ETFDH: variants seen among roughly 807,000 people sequenced by gnomAD.
The protein encoded by ETFDH is electron transfer flavoprotein dehydrogenase, also known as electron transfer flavoprotein-ubiquinone oxidoreductase, mitochondrial.
Under a neutral mutation model 73.2 loss-of-function variants are expected in ETFDH, and 61 were observed. The ratio of observed to expected loss-of-function variants is 0.83; its 90% confidence interval spans 0.68 to 1.03. ETFDH has a LOEUF of 1.03. ETFDH is among the 50% of genes least tolerant of loss of function. The pLI, the probability that ETFDH is intolerant of heterozygous loss-of-function variation, is 0.00. For synonymous variants in ETFDH, 243 were observed against 253.3 expected (o/e 0.96, Z 0.39); for missense variants, 685 against 745.0 (o/e 0.92, Z 0.94).
intron 12 of ETFDH, among the ~76,000 whole-genome samples, chr4:158,707,486 GAA>G (rs1170085314): frequency 6.6e-6 from 1 of 152,154 alleles, no homozygotes; most frequent in Non-Finnish European, 1.5e-5. Context: ...CCCACGGTCT[GAA>G]AATAAGAAAA....
At chr4:158,674,430 G>T (rs894458954) in intron 1 of ETFDH, among the ~76,000 whole-genome samples, 1 of 151,930 alleles carries the variant, frequency 6.6e-6, no homozygotes, top group African/African-American at 2.4e-5. Flanking sequence ...CTGAGCTTCC[G>T]TAGTACCTGG....
At chr4:158,689,613 TATATATATATATATATATATATA>T (rs1561242341) in intron 5 of ETFDH, among the ~76,000 whole-genome samples, 15 of 98,648 alleles carry the variant, frequency 1.5e-4, no homozygotes, top group East Asian at 1.4e-3. Flanking sequence ...TATATATATA[TATATATATATATATATATATATA>T]TTGTGGGGGG....
chr4:158,685,306 T>C, intron 5 of ETFDH, 87 bp downstream of exon 5: 1 of 785,582 alleles, frequency 1.3e-6, no homozygotes, highest in South Asian at 1.5e-5. Context: ...AAGAAATAAA[T>C]ATTTTTTAAA....
intron 6 of ETFDH, among the ~76,000 whole-genome samples, chr4:158,693,300 T>TAA (rs1644716662): frequency 6.6e-6 from 1 of 152,212 alleles, no homozygotes; most frequent in Admixed American, 6.5e-5. Flanking sequence ...TTGGCTCTCT[T>TAA]ACAGCCTTCT....
intron 12 of ETFDH, among the ~76,000 whole-genome samples, chr4:158,708,104 G>A (rs977637241): frequency 6.6e-6 from 1 of 152,184 alleles, no homozygotes; most frequent in East Asian, 1.9e-4. Context: ...TCGAGGTTGT[G>A]TGGAACTCAA....
intron 3 of ETFDH, among the ~76,000 whole-genome samples, chr4:158,684,003 C>G (rs1345875264): frequency 6.6e-6 from 1 of 152,180 alleles, no homozygotes; most frequent in Non-Finnish European, 1.5e-5. Context: ...AACCTCTCCA[C>G]AGAGACAAAA....
At chr4:158,705,187 A>G (rs1244072844) in intron 10 of ETFDH, among the ~76,000 whole-genome samples, 2 of 152,134 alleles carry the variant, frequency 1.3e-5, no homozygotes, top group Non-Finnish European at 2.9e-5. Flanking sequence ...AGTTTTCTCT[A>G]TGAAGTGGTG....
In ETFDH at chr4:158,697,710, T is replaced by G. The variant is rs1774349216; in HGVS notation, c.972+11T>G. On this transcript the variant is annotated intron_variant, in intron 8 of 12. Coordinates refer to ENST00000511912, the MANE Select transcript of ETFDH (RefSeq NM_004453.4). ...GCTCTTGGTCTTGTGGTAAGTTATA[T>G]TCCCATTAGGGAAAATTCTGCTGCT... is the stretch of plus-strand genomic sequence containing the variant. 6.2e-7 allele frequency: 1 copy of G among 1,611,988 alleles called. No individual in the cohort carries two copies. The highest frequency in any genetic ancestry group is 8.5e-7 in the Non-Finnish European group (1 of 1,178,032).
chr4:158,675,083 T>A (rs1773678878), intron 1 of ETFDH, among the ~76,000 whole-genome samples: 1 of 152,236 alleles, frequency 6.6e-6, no homozygotes, highest in Admixed American at 6.5e-5. Context: ...AATCATACAA[T>A]ATATACTATT....
Position 158,695,649 on chromosome 4 carries a change from C to T in ETFDH, c.831+6C>T. 3 of 1,600,998 alleles carry T rather than the reference C, an allele frequency of 1.9e-6. No homozygotes were observed. The highest frequency in any genetic ancestry group is 2.6e-6 in the Non-Finnish European group (3 of 1,168,326). On this transcript the variant is annotated splice_donor_region_variant and intron_variant, in intron 7 of 12. Coordinates refer to ENST00000511912, the MANE Select transcript of ETFDH (RefSeq NM_004453.4). Reference sequence around the variant, plus strand: ...ACGGGATTGGACTGAAGGAGGTATCCTGGTTTGTTTCTGTAATTTTAATTT... The same window carrying T: ...ACGGGATTGGACTGAAGGAGGTATCTTGGTTTGTTTCTGTAATTTTAATTT...
Position 158,682,436 on chromosome 4 carries a change from T to G in ETFDH, c.405+12T>G. 4.4e-6 allele frequency: 7 copies of G among 1,599,848 alleles called. No homozygotes were observed. The highest frequency in any genetic ancestry group is 6.0e-6 in the Non-Finnish European group (7 of 1,167,224). Reference sequence around the variant, plus strand: ...GGAAAGAGAAGGGGGTATGAAAAATTGTTTTTTATACAAAGTCTAATCTTT... The same window carrying G: ...GGAAAGAGAAGGGGGTATGAAAAATGGTTTTTTATACAAAGTCTAATCTTT... On this transcript the variant is annotated intron_variant, in intron 3 of 12. Coordinates refer to ENST00000511912, the MANE Select transcript of ETFDH (RefSeq NM_004453.4).
chr4:158,674,753 A>G (rs901128963), intron 1 of ETFDH, among the ~76,000 whole-genome samples: 1 of 152,238 alleles, frequency 6.6e-6, no homozygotes, highest in African/African-American at 2.4e-5. Flanking sequence ...ACTATCTAAT[A>G]TTTAGTCAAC....
chr4:158,706,876 T>C, intron 12 of ETFDH, 26 bp downstream of exon 12: 1 of 1,429,590 alleles, frequency 7.0e-7, no homozygotes, highest in Non-Finnish European at 9.9e-7. Flanking sequence ...TATTCCTAAA[T>C]ATTTGCTTTA....
chr4:158,705,106 AAGT>A (rs970980970), intron 10 of ETFDH, among the ~76,000 whole-genome samples: 2 of 152,166 alleles, frequency 1.3e-5, no homozygotes, highest in African/African-American at 4.8e-5. Flanking sequence ...TGACTGGAAA[AAGT>A]AGTCATGTGG....
At chr4:158,698,060 T>C (rs1394946709) in intron 8 of ETFDH, among the ~76,000 whole-genome samples, 2 of 152,242 alleles carry the variant, frequency 1.3e-5, no homozygotes, top group African/African-American at 4.8e-5. Context: ...CAGAAATGCC[T>C]GACCTTGTCT....
chr4:158,672,560 C>T, intron 1 of ETFDH, 70 bp downstream of exon 1: 2 of 1,425,956 alleles, frequency 1.4e-6, no homozygotes, highest in Non-Finnish European at 2.0e-6. Context: ...GTCCTGGGGG[C>T]TGTAGGCACC....
intron 3 of ETFDH, among the ~76,000 whole-genome samples, 199 bp from the exon 4 acceptor site, chr4:158,684,389 CAAAA>C (rs35572796): frequency 1.2e-4 from 13 of 105,480 alleles, no homozygotes; most frequent in Admixed American, 2.8e-4. Context: ...GACACTGTCT[CAAAA>C]AAAAAAAAAA....
rs754873135 is a variant in ETFDH, at chr4:158,697,590, C to G, written c.863C>G (p.Pro288Arg). The change falls in exon 8 of 13, where the codon CCT (proline) becomes CGT (arginine). Residue 288 changes from proline (P) to arginine (R), a missense_variant. Pro to Arg is a moderately radical substitution (Grantham distance 103). Around this residue, in one of 3 missense-constraint regions of ETFDH, gnomAD observed 405 missense variants for 399.3 expected, o/e 1.01. Transcript: ENST00000511912. The part of the protein sequence containing the change: ...LWVIDEKNWK[P>R]GRVDHTVGWP... The stretch of plus-strand genomic sequence containing the variant: ...GTTATTGATGAAAAGAACTGGAAAC[C>G]TGGGAGAGTAGATCACACTGTTGGT... 4 of 1,611,934 alleles carry G rather than the reference C, an allele frequency of 2.5e-6. No homozygotes were observed. The South Asian group carries it at 4.4e-5, about 18-fold the overall frequency.
chr4:158,684,481 A>AG, intron 3 of ETFDH, 111 bp from the exon 4 acceptor site: 2 of 626,548 alleles, frequency 3.2e-6, no homozygotes, highest in Non-Finnish European at 2.9e-6. Flanking sequence ...AAAGAAAATT[A>AG]GGGGGGAGTT....
Sources: allele counts gnomAD v4.1 joint callset (sites outside exome capture counted in the v4.1 genomes callset), GRCh38; gene constraint gnomAD v4.1.1; regional missense constraint gnomAD v4.1.1; transcripts MANE v1.5; gene names NCBI Gene and HGNC (gene_info 2026-07-23, HGNC 2026-07-21).